MCF2L: variants seen among roughly 807,000 people sequenced by gnomAD.
MCF2L encodes MCF.2 cell line derived transforming sequence like, also known as guanine nucleotide exchange factor DBS.
In MCF2L, 97 loss-of-function variants were observed where a neutral mutation model predicts 153.4. That is an observed-to-expected ratio of 0.63 (90% CI 0.54 to 0.75). MCF2L has a LOEUF of 0.75. Among genes scored for constraint, MCF2L ranks in the 30% least tolerant of loss-of-function variants. The pLI is 0.00. For synonymous variants in MCF2L, 659 were observed against 632.2 expected (o/e 1.04, Z -0.64); for missense variants, 1,347 against 1,495.2 (o/e 0.90, Z 1.64).
intron 1 of MCF2L, among the ~76,000 whole-genome samples, chr13:112,999,809 C>T (rs1247076544): frequency 2.0e-5 from 3 of 152,224 alleles, no homozygotes; most frequent in African/African-American, 4.8e-5. Context: ...GTGCCCCTGC[C>T]GCCTGATAAT....
At chr13:112,999,597 G>C (rs11838397) in intron 1 of MCF2L, among the ~76,000 whole-genome samples, 5,560 of 152,270 alleles carry the variant, frequency 0.037, 306 homozygotes, top group African/African-American at 0.11. Flanking sequence ...TGGGAGCACC[G>C]AGGGAGGAGG....
At chr13:112,985,277 T>G (rs922778152) in intron 1 of MCF2L, 2 of 401,344 alleles carry the variant, frequency 5.0e-6, no homozygotes, top group Non-Finnish European at 1.0e-5. Context: ...TGGTCCCTCA[T>G]GCAGATTTTA....
chr13:112,972,607 C>T (rs186085509), intron 1 of MCF2L, among the ~76,000 whole-genome samples: 19 of 128,502 alleles, frequency 1.5e-4, no homozygotes, highest in Admixed American at 3.2e-4. Context: ...GATGCTTGGA[C>T]GGATGAGTGG....
rs186171612 is a variant in MCF2L, at chr13:112,960,035, G to A, written c.170-54728G>A. ...GCGGCAGAGGTGCCTGTGTCACCGA[G>A]GTCCCTCGGTAACTTCAGGGCAGAG... On this transcript the variant is annotated intron_variant, in intron 2 of 29. Coordinates refer to the MCF2L transcript ENST00000375608. This position sits in a 1 kb window ranked among gnomAD's most constrained non-coding sequence, Gnocchi z 4.2. 9.8e-3 allele frequency among the ~76,000 whole-genome samples: 1,491 copies of A among 152,378 alleles called. 10 individuals are homozygous for A. The highest frequency in any genetic ancestry group is 0.031 in the Middle Eastern group (9 of 294).
intron 2 of MCF2L, among the ~76,000 whole-genome samples, chr13:112,909,080 G>A (rs1350690047): frequency 1.3e-5 from 2 of 152,166 alleles, no homozygotes; most frequent in East Asian, 1.9e-4. Context: ...ATCTGGGTAG[G>A]GGGATTCACT....
intron 1 of MCF2L, among the ~76,000 whole-genome samples, chr13:112,994,290 G>T (rs1566703465): frequency 6.6e-6 from 1 of 151,408 alleles, no homozygotes; most frequent in Non-Finnish European, 1.5e-5. Flanking sequence ...GCGTGACGGG[G>T]CGCGGCGCGT....
Position 112,951,061 on chromosome 13 carries a change from G to C in MCF2L, c.169+48690G>C, listed in dbSNP as rs1194294984. Among the ~76,000 whole-genome samples the C allele has an allele frequency of 1.3e-5, 2 of 152,232 alleles. No individual in the cohort carries two copies. Among genetic ancestry groups the C allele is most frequent in the East Asian group, 3.8e-4 (2 of 5,198 alleles). ...GCTTAGAAAATGGGCAACAGACATA[G>C]AGACATTCCACCAAAGATGCCACAG... On this transcript the variant is annotated intron_variant, in intron 2 of 29. Coordinates refer to the MCF2L transcript ENST00000375608. This position sits in a 1 kb window ranked among gnomAD's most constrained non-coding sequence, Gnocchi z 4.8.
chr13:112,915,065 A>G (rs1389350618), intron 2 of MCF2L, among the ~76,000 whole-genome samples: 1 of 151,996 alleles, frequency 6.6e-6, no homozygotes, highest in Non-Finnish European at 1.5e-5. Context: ...GGTGTCAAGT[A>G]TGGGTCCAAG....
chr13:113,075,138 G>A lies in MCF2L; in HGVS notation c.1257G>A (p.Arg419=). The change falls in exon 11 of 30, where the codon AGG becomes AGA. Residue 419 remains arginine, a synonymous_variant. Coordinates refer to ENST00000535094, the MANE Select transcript of MCF2L (RefSeq NM_001112732.3). The part of the protein sequence containing the change: ...LCDQFSAEIA[R]RRGLLSKSLE... ...ACCAGTTCTCTGCGGAGATCGCAAGGAGGAGGGGGCTGCTCAGCAAGTCCC... is the reference window on the plus strand; with the variant it reads ...ACCAGTTCTCTGCGGAGATCGCAAGAAGGAGGGGGCTGCTCAGCAAGTCCC... 6.2e-7 allele frequency: 1 copy of A among 1,612,714 alleles called. No individual in the cohort carries two copies. Among genetic ancestry groups the A allele is most frequent in the Non-Finnish European group, 8.5e-7 (1 of 1,179,686 alleles).
In MCF2L at chr13:112,980,757, C is replaced by T. The variant is rs117997645; in HGVS notation, c.79+11299C>T. Among the ~76,000 whole-genome samples, 542 of 150,414 alleles carry T rather than the reference C, an allele frequency of 3.6e-3. 1 individual carries two copies. The highest frequency in any genetic ancestry group is 0.011 in the African/African-American group (456 of 41,102). Reference sequence around the variant, plus strand: ...GTGCACCGTGTGGGTGCAAGTACCCCAGGGCTAAAATAACAGATCCCAGCC... The same window carrying T: ...GTGCACCGTGTGGGTGCAAGTACCCTAGGGCTAAAATAACAGATCCCAGCC... On this transcript the variant is annotated intron_variant, in intron 1 of 29. Coordinates refer to ENST00000535094, the MANE Select transcript of MCF2L (RefSeq NM_001112732.3).
chr13:112,997,426 G>T (rs1201568352), intron 1 of MCF2L, among the ~76,000 whole-genome samples: 1 of 152,190 alleles, frequency 6.6e-6, no homozygotes, highest in Non-Finnish European at 1.5e-5. Flanking sequence ...CCATAGCTGG[G>T]ACCCCGTACG....
chr13:112,900,023 C>T (rs935115946), intron 1 of MCF2L, among the ~76,000 whole-genome samples: 1 of 152,100 alleles, frequency 6.6e-6, no homozygotes, highest in African/African-American at 2.4e-5. Flanking sequence ...CTTGGGGACG[C>T]GATTGCAGCC....
chr13:112,927,953 A>T (rs930496033), intron 2 of MCF2L, among the ~76,000 whole-genome samples: 1 of 152,232 alleles, frequency 6.6e-6, no homozygotes, highest in Non-Finnish European at 1.5e-5. Flanking sequence ...TAAGATTTTG[A>T]TCCTAGTTCA....
chr13:113,087,630 C>T, intron 22 of MCF2L, 77 bp from the exon 23 acceptor site: 1 of 1,304,544 alleles, frequency 7.7e-7, no homozygotes, highest in Non-Finnish European at 1.1e-6. Flanking sequence ...TCATTTCGTG[C>T]CTGCACCAAC....
intron 2 of MCF2L, among the ~76,000 whole-genome samples, chr13:112,936,827 C>G (rs1358087223): frequency 6.6e-6 from 1 of 152,152 alleles, no homozygotes; most frequent in Non-Finnish European, 1.5e-5. Flanking sequence ...TTTAAATCAG[C>G]TCCAGGTTCC....
At chr13:113,051,783 C>T (rs2087347335) in intron 4 of MCF2L, among the ~76,000 whole-genome samples, 1 of 152,136 alleles carries the variant, frequency 6.6e-6, no homozygotes, top group Non-Finnish European at 1.5e-5. Flanking sequence ...GGTCCTGAGG[C>T]GACGCGGGAC....
At chr13:113,000,801 C>T (rs993067258) in intron 1 of MCF2L, among the ~76,000 whole-genome samples, 19 of 152,198 alleles carry the variant, frequency 1.2e-4, no homozygotes, top group Admixed American at 1.0e-3. Context: ...TAAGGCTCTG[C>T]GGAGAAAGGC....
chr13:112,980,556 G>A (rs555640837), intron 1 of MCF2L, among the ~76,000 whole-genome samples: 40 of 150,636 alleles, frequency 2.7e-4, no homozygotes, highest in African/African-American at 9.7e-5. Flanking sequence ...ACATCCAGGC[G>A]ATGCCTGACT....
chr13:112,961,869 A>C (rs2140756978), intron 2 of MCF2L, among the ~76,000 whole-genome samples: 1 of 152,236 alleles, frequency 6.6e-6, no homozygotes, highest in South Asian at 2.1e-4. Flanking sequence ...TGCTGTGACC[A>C]CGAGAGGCCA....
Sources: gnomAD v4.1 joint callset for allele counts (sites outside exome capture counted in the v4.1 genomes callset) on GRCh38, gnomAD v4.1.1 for gene constraint, Gnocchi (gnomAD v3.1) non-coding constraint, MANE v1.5 for transcripts, NCBI Gene and HGNC (gene_info 2026-07-23, HGNC 2026-07-21) for gene names.